Variants in CMKLR1 observed in about 807,000 individuals in gnomAD.
CMKLR1 encodes the protein chemerin-like receptor 1.
In CMKLR1, 6 loss-of-function variants were observed where a neutral mutation model predicts 8.2. The ratio of observed to expected loss-of-function variants is 0.73; its 90% CI spans 0.40 to 1.44. The LOEUF (loss-of-function observed/expected upper bound fraction) is 1.44. CMKLR1 is among the 40% of genes most tolerant of loss of function. The pLI is 0.02. For synonymous variants in CMKLR1, 178 were observed against 181.2 expected (o/e 0.98, Z 0.14); for missense variants, 429 against 478.0 (o/e 0.90, Z 0.96).
chr12:108,299,275 G>A (rs568066695), intron 2 of CMKLR1, among the ~76,000 whole-genome samples: 4 of 152,340 alleles, frequency 2.6e-5, no homozygotes, highest in Admixed American at 1.3e-4. Context: ...GTGCTTTGTG[G>A]GAGAGGCATG....
intron 2 of CMKLR1, among the ~76,000 whole-genome samples, chr12:108,304,066 C>T (rs1342328817): frequency 6.6e-6 from 1 of 152,236 alleles, no homozygotes; most frequent in Non-Finnish European, 1.5e-5. Context: ...GAGCAAGTAG[C>T]TTGCCTCACA....
intron 2 of CMKLR1, among the ~76,000 whole-genome samples, chr12:108,303,312 C>T (rs1196258566): frequency 6.6e-6 from 1 of 152,196 alleles, no homozygotes; most frequent in African/African-American, 2.4e-5. Context: ...CCCCCGCTGC[C>T]GGACCCTTGC....
intron 2 of CMKLR1, among the ~76,000 whole-genome samples, chr12:108,322,795 C>G (rs951749246): frequency 1.3e-5 from 2 of 152,160 alleles, no homozygotes; most frequent in Non-Finnish European, 2.9e-5. Context: ...CCTGCAGAAC[C>G]ATGAGCAAAA....
In CMKLR1 at chr12:108,292,343, G is replaced by A. The variant is rs375866656; in HGVS notation, c.620C>T (p.Ser207Phe). Residue 207 changes from serine to phenylalanine, a missense_variant, in exon 4 of 4, where the codon TCC becomes TTC. Transcript: ENST00000550402. ...GCTATACCCCACAGGGTCCATTTGGGAGTGAGTGGGCCACGAGGAAGACCC... is the reference window on the plus strand; with the variant it reads ...GCTATACCCCACAGGGTCCATTTGGAAGTGAGTGGGCCACGAGGAAGACCC... ...TPGSSSWPTH[S>F]QMDPVGYSRH... 4.3e-6 allele frequency: 7 copies of A among 1,614,064 alleles called. No individual in the cohort carries two copies. Among genetic ancestry groups the A allele is most frequent in the Non-Finnish European group, 5.9e-6 (7 of 1,180,052 alleles).
At chr12:108,309,064 CCT>C (rs1259745525) in intron 2 of CMKLR1, among the ~76,000 whole-genome samples, 1 of 152,188 alleles carries the variant, frequency 6.6e-6, no homozygotes, top group Non-Finnish European at 1.5e-5. Context: ...CTTCTCTGTG[CCT>C]CAGTTCCCTC....
rs764182561 is a variant in CMKLR1 at position 108,301,375 on chromosome 12, C to T, written c.-73-7711G>A. 8.0e-4 allele frequency among the ~76,000 whole-genome samples: 122 copies of T among 151,910 alleles called. 5 individuals carry two copies. Among genetic ancestry groups the T allele is most frequent in the Non-Finnish European group, 5.0e-4 (34 of 67,982 alleles). On this transcript the variant is annotated intron_variant, in intron 2 of 3. Transcript: ENST00000550402. ...ACAGGTATGAGCCACCGTGCTCGGC[C>T]GCGTCCACCCAAGTTTTCTATCAGT... is the stretch of plus-strand genomic sequence containing the variant.
intron 2 of CMKLR1, among the ~76,000 whole-genome samples, chr12:108,296,159 G>T (rs1478296180): frequency 6.6e-6 from 1 of 152,142 alleles, no homozygotes; most frequent in African/African-American, 2.4e-5. Flanking sequence ...AAACCAAGCG[G>T]AAGAGCAGAC....
chr12:108,302,851 T>C (rs1305677994), intron 2 of CMKLR1, among the ~76,000 whole-genome samples: 4 of 151,908 alleles, frequency 2.6e-5, no homozygotes, highest in Non-Finnish European at 4.4e-5. Flanking sequence ...GACTGGGAAA[T>C]AGGGCTACTG....
intron 2 of CMKLR1, among the ~76,000 whole-genome samples, chr12:108,308,423 T>A (rs910710851): frequency 5.9e-5 from 9 of 152,190 alleles, no homozygotes; most frequent in Non-Finnish European, 1.0e-4. Flanking sequence ...CTTCTGCTCA[T>A]CCCCTGAGCA....
intron 2 of CMKLR1, among the ~76,000 whole-genome samples, chr12:108,293,873 C>T (rs551098705): frequency 6.6e-6 from 1 of 152,276 alleles, no homozygotes; most frequent in South Asian, 2.1e-4. Flanking sequence ...CTGACTCTTC[C>T]CAGGTCAAGT....
chr12:108,306,110 C>T (rs1405338664), intron 2 of CMKLR1, among the ~76,000 whole-genome samples: 1 of 152,200 alleles, frequency 6.6e-6, no homozygotes, highest in Non-Finnish European at 1.5e-5. Flanking sequence ...GGCTGACCTG[C>T]TTGAAAATCT....
chr12:108,316,420 A>C (rs1170082761), intron 2 of CMKLR1, among the ~76,000 whole-genome samples: 1 of 152,162 alleles, frequency 6.6e-6, no homozygotes, highest in Non-Finnish European at 1.5e-5. Flanking sequence ...CAGGGAGAGG[A>C]AAGCCAGCAG....
intron 1 of CMKLR1, among the ~76,000 whole-genome samples, chr12:108,335,098 T>C (rs1260122388): frequency 6.6e-6 from 1 of 152,150 alleles, no homozygotes; most frequent in Non-Finnish European, 1.5e-5. Flanking sequence ...CTAATGGAAA[T>C]GTAGACTTAG....
chr12:108,293,024 C>T (rs989256528), intron 3 of CMKLR1, 65 bp from the exon 4 acceptor site: 4 of 1,429,902 alleles, frequency 2.8e-6, no homozygotes, highest in Admixed American at 2.1e-5. Context: ...TGACCAATAC[C>T]AGCAAGACCA....
intron 1 of CMKLR1, among the ~76,000 whole-genome samples, chr12:108,337,281 T>C (rs1892250002): frequency 6.6e-6 from 1 of 152,138 alleles, no homozygotes; most frequent in African/African-American, 2.4e-5. Context: ...TAAAATCATC[T>C]CGAGAAAGTG....
chr12:108,331,282 G>A (rs138490727), intron 1 of CMKLR1, among the ~76,000 whole-genome samples: 21 of 152,216 alleles, frequency 1.4e-4, no homozygotes, highest in African/African-American at 4.3e-4. Flanking sequence ...GAACCCCCTC[G>A]TTCAGAGTCA....
chr12:108,294,378 T>G (rs994506604), intron 2 of CMKLR1, among the ~76,000 whole-genome samples: 10 of 152,302 alleles, frequency 6.6e-5, no homozygotes, highest in Non-Finnish European at 1.3e-4. Flanking sequence ...CCCATAACAA[T>G]CTTGCTGAGT....
chr12:108,312,127 G>A (rs1346299201), intron 2 of CMKLR1, among the ~76,000 whole-genome samples: 1 of 152,128 alleles, frequency 6.6e-6, no homozygotes, highest in Non-Finnish European at 1.5e-5. Flanking sequence ...CTTGTGTCCT[G>A]ACAATCCATC....
At chr12:108,310,725 G>A (rs936246644) in intron 2 of CMKLR1, among the ~76,000 whole-genome samples, 1 of 152,140 alleles carries the variant, frequency 6.6e-6, no homozygotes, top group Non-Finnish European at 1.5e-5. Flanking sequence ...CAGTCCTGGG[G>A]GCTGGGAGCC....
Sources: gnomAD v4.1 joint callset for allele counts (sites outside exome capture counted in the v4.1 genomes callset) on GRCh38, gnomAD v4.1.1 for gene constraint, MANE v1.5 for transcripts, NCBI Gene and HGNC (gene_info 2026-07-23, HGNC 2026-07-21) for gene names.